The following MYO1H variants were observed in gnomAD, a reference collection of about 807,000 sequenced individuals.
MYO1H encodes myosin IH.
Under a neutral mutation model 149.3 loss-of-function variants are expected in MYO1H, and 118 were observed. The ratio of observed to expected loss-of-function variants is 0.79; its 90% CI spans 0.68 to 0.92. The LOEUF is 0.92. Ranked by LOEUF, MYO1H falls within the 40% of genes least tolerant of loss-of-function variation. MYO1H has a pLI of 0.00. For synonymous variants in MYO1H, 447 were observed against 465.2 expected, an observed-to-expected ratio of 0.96 and a Z score of 0.50; for missense variants, 1,212 against 1,280.7, an observed-to-expected ratio of 0.95 and a Z score of 0.82.
chr12:109,411,579 T>C (rs1452847124), intron 13 of MYO1H, among the ~76,000 whole-genome samples: 1 of 152,242 alleles, frequency 6.6e-6, no homozygotes, highest in Non-Finnish European at 1.5e-5. Flanking sequence ...TCATGGTCAG[T>C]GATGACTGGT....
chr12:109,444,074 A>C, intron 28 of MYO1H, 139 bp from the exon 29 acceptor site: 2 of 699,568 alleles, frequency 2.9e-6, no homozygotes. Flanking sequence ...TAAGATTTCT[A>C]AAGTATGCCC....
intron 1 of MYO1H, among the ~76,000 whole-genome samples, chr12:109,379,729 CTTTTTTTTTTT>C (rs35773327): frequency 9.7e-6 from 1 of 103,470 alleles, no homozygotes; most frequent in Non-Finnish European, 1.9e-5. Flanking sequence ...CAATTTTAAC[CTTTTTTTTTTT>C]TTTTTTTTTT....
the MYO1H span, among the ~76,000 whole-genome samples, chr12:109,318,972 G>GTTTTTGTTTTTTTTTTTTTTTTTTTT: frequency 2.6e-5 from 2 of 77,252 alleles, no homozygotes; most frequent in Non-Finnish European, 5.1e-5. Context: ...TTTTGGTTTT[G>GTTTTTGTTTTTTTTTTTTTTTTTTTT]TTTTTTTTTT....
intron 1 of MYO1H, among the ~76,000 whole-genome samples, chr12:109,350,158 G>A (rs962031045): frequency 6.6e-6 from 1 of 152,018 alleles, no homozygotes; most frequent in Admixed American, 6.6e-5. Context: ...TGTCCACATG[G>A]TAGCATATTT....
At chr12:109,387,538 T>C (rs1303263340) in intron 1 of MYO1H, among the ~76,000 whole-genome samples, 1 of 152,244 alleles carries the variant, frequency 6.6e-6, no homozygotes, top group African/African-American at 2.4e-5. Flanking sequence ...GAACACAATG[T>C]CATTTTTGTC....
At chr12:109,410,999 G>A (rs971535865) in intron 13 of MYO1H, among the ~76,000 whole-genome samples, 1 of 152,164 alleles carries the variant, frequency 6.6e-6, no homozygotes. Context: ...AAAATTAGCC[G>A]GGCATGATGG....
At chr12:109,363,033 T>A (rs1392610511) in intron 1 of MYO1H, among the ~76,000 whole-genome samples, 1 of 152,196 alleles carries the variant, frequency 6.6e-6, no homozygotes, top group Admixed American at 6.5e-5. Context: ...CTCTCCCAAT[T>A]TCTTTTCCTT....
At chr12:109,415,906 C>CATTTT (rs78343064) in intron 15 of MYO1H, among the ~76,000 whole-genome samples, 11,137 of 144,516 alleles carry the variant, frequency 0.077, 534 homozygotes, top group Admixed American at 0.098. Flanking sequence ...TACCACCATT[C>CATTTT]ATTTTATTTT....
At chr12:109,409,716 T>G (rs1870583346) in intron 11 of MYO1H, 92 bp downstream of exon 11, 1 of 1,091,136 alleles carries the variant, frequency 9.2e-7, no homozygotes, top group African/African-American at 1.6e-5. Flanking sequence ...ACTAGATTGA[T>G]TTCCCTGTCC....
chr12:109,417,201 C>A (rs1238781716), intron 15 of MYO1H, among the ~76,000 whole-genome samples: 4 of 152,218 alleles, frequency 2.6e-5, no homozygotes, highest in Admixed American at 6.5e-5. Flanking sequence ...TAACTCTATG[C>A]TTAACCTTTT....
intron 5 of MYO1H, among the ~76,000 whole-genome samples, chr12:109,400,522 C>A (rs374029265): frequency 3.9e-5 from 6 of 152,224 alleles, no homozygotes; most frequent in Admixed American, 1.3e-4. Context: ...GTTGTCAATT[C>A]TTTCCTATTG....
chr12:109,337,759 T>C, the MYO1H span, among the ~76,000 whole-genome samples: 1 of 152,198 alleles, frequency 6.6e-6, no homozygotes, highest in Admixed American at 6.5e-5. Context: ...GTTTGACTTC[T>C]GGAACCCTGC....
At chr12:109,356,664 C>T (rs955866784) in intron 1 of MYO1H, among the ~76,000 whole-genome samples, 4 of 152,024 alleles carry the variant, frequency 2.6e-5, no homozygotes, top group Non-Finnish European at 4.4e-5. Context: ...CTCTAACTCC[C>T]GTGGGCCAAT....
At position 109,389,962 on chromosome 12, in the gene MYO1H, G is replaced by T. The variant is rs146916313; in HGVS notation, c.174+1118G>T. 9.2e-5 allele frequency among the ~76,000 whole-genome samples: 14 copies of T among 152,214 alleles called. No individual in the cohort carries two copies. The East Asian group carries it at 2.7e-3, about 29-fold the overall frequency. On this transcript the variant is annotated intron_variant, in intron 2 of 31. Transcript: ENST00000310903. The stretch of plus-strand genomic sequence containing the variant: ...ATTATCACCCTTAATTGTAGAAATA[G>T]AAAAACTAATTTTATGTACAGGAAA...
intron 2 of MYO1H, among the ~76,000 whole-genome samples, chr12:109,392,378 T>G (rs890972528): frequency 6.6e-5 from 10 of 152,176 alleles, no homozygotes; most frequent in Non-Finnish European, 1.3e-4. Flanking sequence ...CCTACTTTGT[T>G]TACAGCTGGC....
At chr12:109,447,339 A>C (rs1872527637) in exon 32 of MYO1H, 3 of 717,276 alleles carry the variant, frequency 4.2e-6, no homozygotes, top group Non-Finnish European at 7.5e-6. Flanking sequence ...CGTTAGGCCA[A>C]AGCCTAATCC....
chr12:109,443,997 C>T (rs954526163), intron 28 of MYO1H, among the ~76,000 whole-genome samples: 1 of 152,130 alleles, frequency 6.6e-6, no homozygotes, highest in Non-Finnish European at 1.5e-5. Context: ...TTAATAGCAC[C>T]ACTTTACTCA....
At chr12:109,429,197 ACT>A (rs1477162262) in intron 19 of MYO1H, among the ~76,000 whole-genome samples, 4 of 121,418 alleles carry the variant, frequency 3.3e-5, no homozygotes, top group African/African-American at 7.1e-5. Flanking sequence ...ATAGAATGAG[ACT>A]CTGTATCAAA....
chr12:109,427,467 AG>A lies in MYO1H; in HGVS notation c.1832del, dbSNP rs761217243. The A allele has an allele frequency of 1.9e-6, 3 of 1,602,306 alleles. No homozygotes were observed. Among genetic ancestry groups the A allele is most frequent in the South Asian group, 2.2e-5 (2 of 90,808 alleles). On this transcript the variant is annotated splice_acceptor_variant, in intron 18 of 31. Transcript: ENST00000310903. LOFTEE classifies it high-confidence loss of function. ...GTCATTCTCTGTTCTATTTCTCCAA[AG>A]GCAAATTTGATGACTTCCTCATAAG... is the stretch of plus-strand genomic sequence containing the variant.
Sources: gnomAD v4.1 joint callset for allele counts (sites outside exome capture counted in the v4.1 genomes callset) on GRCh38, gnomAD v4.1.1 for gene constraint, MANE v1.5 for transcripts, NCBI Gene and HGNC (gene_info 2026-07-23, HGNC 2026-07-21) for gene names.